The following PITPNM1 variants were observed in gnomAD, a reference collection of about 807,000 sequenced individuals.
PITPNM1 encodes membrane-associated phosphatidylinositol transfer protein 1.
Under a neutral mutation model 133.3 loss-of-function variants are expected in PITPNM1, and 74 were observed. That is an observed-to-expected ratio of 0.56 (90% CI 0.46 to 0.67). PITPNM1 has a LOEUF of 0.67. PITPNM1 is among the 30% of genes least tolerant of loss of function. PITPNM1 has a pLI of 0.00. For synonymous variants in PITPNM1, 738 were observed against 741.4 expected, an observed-to-expected ratio of 1.00 and a Z score of 0.08; for missense variants, 1,398 against 1,739.5, an observed-to-expected ratio of 0.80 and a Z score of 3.49.
At position 67,501,885 on chromosome 11, in the gene PITPNM1, A is replaced by G; in HGVS notation, c.617T>C (p.Ile206Thr). The G allele has an allele frequency of 6.2e-7, 1 of 1,613,604 alleles. No homozygotes were observed. The highest frequency in any genetic ancestry group is 8.5e-7 in the Non-Finnish European group (1 of 1,180,000). The part of the protein sequence containing the change: ...EFRYWGMQAK[I>T]EQFIHDVGLR... ...ACCTACATCATGGATGAACTGCTCGATCTTGGCTTGCATGCCCCAGTAGCG... is the reference window on the plus strand; with the variant it reads ...ACCTACATCATGGATGAACTGCTCGGTCTTGGCTTGCATGCCCCAGTAGCG... The change falls in exon 5 of 24, where the codon ATC (isoleucine) becomes ACC (threonine). Residue 206 changes from isoleucine to threonine, a missense_variant. Ile to Thr is a moderately conservative substitution (Grantham distance 89). Transcript: ENST00000356404.
rs1444383532 is a variant in PITPNM1, at chr11:67,498,582, C to T, written c.1484+14G>A. 16 of 1,591,868 alleles carry T rather than the reference C, an allele frequency of 1.0e-5. No individual in the cohort carries two copies. In the South Asian group the frequency reaches 1.1e-4, roughly 11 times the overall value. On this transcript the variant is annotated intron_variant, in intron 10 of 23. Transcript: ENST00000356404. This position sits in a 1 kb window ranked among gnomAD's most constrained non-coding sequence, Gnocchi z 5.7. ...ATCCTACGAGTTCCCTGCCCTTCCA[C>T]CCGTGGCTAGTACTTGGAGACAAGG... is the stretch of plus-strand genomic sequence containing the variant.
At chr11:67,500,521 C>T (rs1866292586) in intron 5 of PITPNM1, 100 bp from the exon 6 acceptor site, 2 of 1,183,206 alleles carry the variant, frequency 1.7e-6, no homozygotes, top group African/African-American at 1.5e-5. Flanking sequence ...CCCCTGGGGA[C>T]ACCACCCACC....
rs777884063 is a variant in PITPNM1 at position 67,501,989 on chromosome 11, T to C, written c.513A>G (p.Pro171=). 5.6e-6 allele frequency: 9 copies of C among 1,613,422 alleles called. No homozygotes were observed. In the East Asian group the frequency reaches 1.8e-4, roughly 32 times the overall value. Residue 171 remains proline, a synonymous_variant, in exon 5 of 24, where the codon CCA becomes CCG. Transcript: ENST00000356404. ...LYHSVKTGRG[P]LSDDWARTAA... The stretch of plus-strand genomic sequence containing the variant: ...CCGTCCGTGCCCAGTCATCAGACAG[T>C]GGCCCTCGGCCCGTCTTGACCGAGT...
intron 16 of PITPNM1, 81 bp from the exon 17 acceptor site, chr11:67,495,306 C>G (rs375265073): frequency 3.8e-5 from 57 of 1,486,274 alleles, no homozygotes; most frequent in Admixed American, 1.6e-4. Flanking sequence ...TTCCCTCCCC[C>G]CTTTTCACCC....
Position 67,500,240 on chromosome 11 carries a change from C to T in PITPNM1, c.822G>A (p.Pro274=), listed in dbSNP as rs528484490. The T allele has an allele frequency of 6.9e-6, 11 of 1,605,582 alleles. No individual in the cohort carries two copies. The highest frequency in any genetic ancestry group is 3.3e-5 in the South Asian group (3 of 91,074). The change falls in exon 6 of 24, where the codon CCG becomes CCA. Residue 274 remains proline, a synonymous_variant. Coordinates refer to ENST00000356404, the MANE Select transcript of PITPNM1 (RefSeq NM_004910.3). ...TGGCCGCAGACCGGGCCTCGGTGCTCGGTTTCCCGGGGGGCTGGGCCTCGG... is the reference window on the plus strand; with the variant it reads ...TGGCCGCAGACCGGGCCTCGGTGCTTGGTTTCCCGGGGGGCTGGGCCTCGG... ...EGSEAQPPGK[P]STEARSAASN...
In PITPNM1 at chr11:67,500,391, C is replaced by G; in HGVS notation, c.671G>C (p.Arg224Pro). ...CTCATCCTGCCAGCACCAGGCCTGGCGGTGGGCCCGCAGCATCACCCGACG... is the reference window on the plus strand; with the variant it reads ...CTCATCCTGCCAGCACCAGGCCTGGGGGTGGGCCCGCAGCATCACCCGACG... ...GLRRVMLRAH[R>P]QAWCWQDEWT... is the part of the protein sequence containing the mutation. The change falls in exon 6 of 24, where the codon CGC becomes CCC. Residue 224 changes from arginine to proline, a missense_variant. By Grantham distance (103) the Arg-to-Pro change is moderately radical. Transcript: ENST00000356404. The G allele has an allele frequency of 1.2e-6, 2 of 1,611,162 alleles. No individual in the cohort carries two copies. Among genetic ancestry groups the G allele is most frequent in the Non-Finnish European group, 1.7e-6 (2 of 1,179,770 alleles).
chr11:67,494,787 C>T (rs1866054030), intron 18 of PITPNM1, 59 bp downstream of exon 18: 2 of 384,250 alleles, frequency 5.2e-6, no homozygotes, highest in East Asian at 1.7e-4. Context: ...GGCGGGGCCT[C>T]TCTGGTGAGT....
intron 15 of PITPNM1, 144 bp downstream of exon 15, chr11:67,496,034 C>T: frequency 1.2e-6 from 1 of 844,420 alleles, no homozygotes; most frequent in Non-Finnish European, 1.7e-6. Flanking sequence ...TCCAGACCCC[C>T]CCAGGGGGAA....
chr11:67,502,562 T>G lies in PITPNM1; in HGVS notation c.235A>C (p.Lys79Gln). 6.2e-7 allele frequency: 1 copy of G among 1,613,678 alleles called. No homozygotes were observed. Among genetic ancestry groups the G allele is most frequent in the Non-Finnish European group, 8.5e-7 (1 of 1,180,006 alleles). ...IPGWFRALLP[K>Q]AALQVEEESW... The stretch of plus-strand genomic sequence containing the variant: ...TCCTCTTCTACCTGCAGGGCAGCCT[T>G]GGGCAGCAGTGCCCGGAACCAGCCT... The change falls in exon 3 of 24, where the codon AAG (lysine) becomes CAG (glutamine). Residue 79 changes from lysine to glutamine, a missense_variant. Physicochemically the swap from Lys to Gln is moderately conservative, Grantham distance 53. This residue lies in a region of PITPNM1 where 274 missense variants were observed against 360.7 expected (regional missense o/e 0.76). Coordinates refer to ENST00000356404, the MANE Select transcript of PITPNM1 (RefSeq NM_004910.3). This position sits in a 1 kb window ranked among gnomAD's most constrained non-coding sequence, Gnocchi z 5.9.
upstream of PITPNM1, among the ~76,000 whole-genome samples, chr11:67,505,922 C>T (rs866797658): frequency 5.9e-5 from 9 of 152,206 alleles, no homozygotes; most frequent in African/African-American, 1.7e-4. The surrounding 1 kb of genome is among the most constrained non-coding windows in gnomAD (Gnocchi z 5.8). Flanking sequence ...TCCACAAGTC[C>T]GGTCACCCAG....
chr11:67,502,260 C>T lies in PITPNM1; in HGVS notation c.415+32G>A, dbSNP rs376131395. ...GAGGCAGCCAGGAGCCTGAGAGGGG[C>T]GCCAGGGTCCCCCCATAGCTCCAGG... On this transcript the variant is annotated intron_variant, in intron 4 of 23. Coordinates refer to ENST00000356404, the MANE Select transcript of PITPNM1 (RefSeq NM_004910.3). This position sits in a 1 kb window ranked among gnomAD's most constrained non-coding sequence, Gnocchi z 5.9. 2.2e-5 allele frequency: 36 copies of T among 1,603,212 alleles called. No individual in the cohort carries two copies. The highest frequency in any genetic ancestry group is 4.0e-5 in the African/African-American group (3 of 74,706).
rs1402970510 is a variant in PITPNM1, at chr11:67,502,413, C to T, written c.294G>A (p.Arg98=). ...SWNAYPYTRT[R]YTCPFVEKFS... ...ATTTCTCCACGAAAGGGCAGGTGTA[C>T]CTGGGCAGAAGGCACGGGTGAGGCT... The change falls in exon 4 of 24, where the codon CGG becomes CGA. Residue 98 remains arginine, a splice_region_variant and synonymous_variant. Coordinates refer to ENST00000356404, the MANE Select transcript of PITPNM1 (RefSeq NM_004910.3). The surrounding 1 kb of genome is among the most constrained non-coding windows in gnomAD (Gnocchi z 5.9). 6.2e-7 allele frequency: 1 copy of T among 1,613,866 alleles called. No homozygotes were observed. The highest frequency in any genetic ancestry group is 1.1e-5 in the South Asian group (1 of 91,092).
chr11:67,496,413 G>C, intron 14 of PITPNM1, 65 bp from the exon 15 acceptor site: 1 of 1,446,226 alleles, frequency 6.9e-7, no homozygotes, highest in Non-Finnish European at 9.3e-7. Flanking sequence ...CTGGGAGGTA[G>C]GGGGTGTGGG....
rs760916951 is a variant in PITPNM1, at chr11:67,501,854, G to T, written c.640+8C>A. The T allele has an allele frequency of 5.0e-6, 8 of 1,612,606 alleles. No individual in the cohort carries two copies. Among genetic ancestry groups the T allele is most frequent in the Middle Eastern group, 1.6e-4 (1 of 6,082 alleles). On this transcript the variant is annotated splice_region_variant and intron_variant, in intron 5 of 23. Transcript: ENST00000356404. ...GGTAAGTGGGACCTCCCGCAGCTGG[G>T]TGCTCACCTACATCATGGATGAACT... is the stretch of plus-strand genomic sequence containing the variant.
chr11:67,501,914 C>T lies in PITPNM1; in HGVS notation c.588G>A (p.Glu196=). ...LMCAYKLCKV[E]FRYWGMQAKI... is the part of the protein sequence containing the mutation. ...TGGCTTGCATGCCCCAGTAGCGGAA[C>T]TCAACCTTGCACAGCTTATAGGCAC... The change falls in exon 5 of 24, where the codon GAG becomes GAA. Residue 196 remains glutamate, a synonymous_variant. Transcript: ENST00000356404. 6.2e-7 allele frequency: 1 copy of T among 1,613,634 alleles called. No individual in the cohort carries two copies. Among genetic ancestry groups the T allele is most frequent in the Non-Finnish European group, 8.5e-7 (1 of 1,180,020 alleles).
In PITPNM1 at chr11:67,499,715, A is replaced by T. The variant is rs1866259573; in HGVS notation, c.1171+8T>A. The T allele has an allele frequency of 6.8e-7, 1 of 1,467,604 alleles. No individual in the cohort carries two copies. The highest frequency in any genetic ancestry group is 9.1e-7 in the Non-Finnish European group (1 of 1,094,286). The allele number at this position is 1,467,604 out of a possible 1,614,324, so 90.9% of individuals were successfully genotyped here. ...GCTGGGGGCCGGTGTCCTAGGCGGT[A>T]TCTTTACCTGGCGTTCCCTCTGCCT... On this transcript the variant is annotated splice_region_variant and intron_variant, in intron 8 of 23. Coordinates refer to ENST00000356404, the MANE Select transcript of PITPNM1 (RefSeq NM_004910.3).
chr11:67,496,976 G>T, intron 14 of PITPNM1: 1 of 372,304 alleles, frequency 2.7e-6, no homozygotes, highest in Non-Finnish European at 4.8e-6. Flanking sequence ...GCTTCGATTT[G>T]CTGCTGTGGT....
At position 67,498,559 on chromosome 11, in the gene PITPNM1, C is replaced by A. The variant is rs1478139837; in HGVS notation, c.1484+37G>T. The A allele has an allele frequency of 6.3e-7, 1 of 1,584,614 alleles. No individual in the cohort carries two copies. Among genetic ancestry groups the A allele is most frequent in the Admixed American group, 1.7e-5 (1 of 59,660 alleles). On this transcript the variant is annotated intron_variant, in intron 10 of 23. Coordinates refer to ENST00000356404, the MANE Select transcript of PITPNM1 (RefSeq NM_004910.3). The surrounding 1 kb of genome is among the most constrained non-coding windows in gnomAD (Gnocchi z 5.7). ...TCCCTGCCCCGCTCCCTGGCCTGAT[C>A]CTACGAGTTCCCTGCCCTTCCACCC...
rs1866423637 is a variant in PITPNM1 at position 67,504,262 on chromosome 11, G to T, written c.-41-41C>A. ...GCGCGACAGTCAGTGCGGGGAGGCT[G>T]CGCGCGGCCCCGAGCCCTGCGCGCC... On this transcript the variant is annotated intron_variant, in intron 1 of 23. Transcript: ENST00000356404. The surrounding 1 kb of genome is among the most constrained non-coding windows in gnomAD (Gnocchi z 5.4). 6.6e-6 allele frequency: 6 copies of T among 912,364 alleles called. No homozygotes were observed. Among genetic ancestry groups the T allele is most frequent in the Non-Finnish European group, 9.0e-6 (6 of 669,476 alleles). The allele number at this position is 912,364 out of a possible 1,614,324, so 56.5% of individuals were successfully genotyped here. A position where few individuals can be genotyped will look rare whatever the true frequency, so the allele number is the denominator to read the frequency against.
Sources: allele counts gnomAD v4.1 joint callset (sites outside exome capture counted in the v4.1 genomes callset), GRCh38; gene constraint gnomAD v4.1.1; regional missense constraint gnomAD v4.1.1; non-coding constraint Gnocchi (gnomAD v3.1); transcripts MANE v1.5; gene names NCBI Gene and HGNC (gene_info 2026-07-23, HGNC 2026-07-21).